Variants in DLGAP2 observed in about 807,000 individuals in gnomAD.
The protein encoded by DLGAP2 is disks large-associated protein 2.
Under a neutral mutation model 100.3 loss-of-function variants are expected in DLGAP2, and 26 were observed. That is an observed-to-expected ratio of 0.26 (90% CI 0.19 to 0.36). DLGAP2 has a LOEUF of 0.36. Ranked by LOEUF, DLGAP2 falls within the 10% of genes least tolerant of loss-of-function variation. The pLI is 1.00. For missense variants in DLGAP2, 1,858 were observed against 1,453.2 expected (o/e 1.28, Z -4.53); for synonymous variants, 886 against 630.1 (o/e 1.41, Z -6.08).
intron 2 of DLGAP2, among the ~76,000 whole-genome samples, chr8:1,064,918 GTGCATGGAAGAGCAT>G (rs1367233917): frequency 3.9e-5 from 6 of 152,162 alleles, no homozygotes; most frequent in African/African-American, 9.7e-5. Flanking sequence ...TGAAGGGTGG[GTGCATGGAAGAGCAT>G]TGCGGTATCA....
chr8:1,527,839 G>C (rs1217623739), intron 4 of DLGAP2, among the ~76,000 whole-genome samples: 3 of 150,960 alleles, frequency 2.0e-5, no homozygotes, highest in African/African-American at 7.3e-5. Flanking sequence ...CCAAGGGAAA[G>C]TCCACCCATT....
At chr8:1,582,311 C>CT (rs201110522) in intron 6 of DLGAP2, among the ~76,000 whole-genome samples, 2 of 92,756 alleles carry the variant, frequency 2.2e-5, no homozygotes, top group African/African-American at 1.2e-4. Flanking sequence ...CAGATAAAAC[C>CT]TTAAAAAAAA....
intron 4 of DLGAP2, among the ~76,000 whole-genome samples, chr8:1,509,937 G>T (rs969589904): frequency 2.0e-5 from 3 of 152,110 alleles, no homozygotes; most frequent in African/African-American, 7.2e-5. Flanking sequence ...TGGAGGACGC[G>T]GCCGCGGAGA....
intron 2 of DLGAP2, among the ~76,000 whole-genome samples, chr8:1,069,552 G>C (rs547405633): frequency 6.6e-6 from 1 of 152,122 alleles, no homozygotes; most frequent in African/African-American, 2.4e-5. Flanking sequence ...CTGCACATCC[G>C]AGAGTCCGAG....
chr8:1,037,656 G>A (rs1043973620), intron 2 of DLGAP2, among the ~76,000 whole-genome samples: 22 of 152,208 alleles, frequency 1.4e-4, no homozygotes, highest in African/African-American at 5.1e-4. Flanking sequence ...AGTGAGCAGT[G>A]GCTCTGCCCT....
intron 2 of DLGAP2, among the ~76,000 whole-genome samples, chr8:943,373 G>C (rs1464980841): frequency 1.3e-5 from 2 of 152,256 alleles, no homozygotes; most frequent in African/African-American, 4.8e-5. Flanking sequence ...GTATTTTTAT[G>C]CACCGGACAC....
intron 2 of DLGAP2, among the ~76,000 whole-genome samples, chr8:1,103,177 G>A (rs892430537): frequency 9.9e-5 from 15 of 152,240 alleles, no homozygotes; most frequent in African/African-American, 3.1e-4. Context: ...CGTGAGTCCC[G>A]GTGGCCTATC....
Position 932,315 on chromosome 8 carries a change from A to G in DLGAP2, c.73+24349A>G, listed in dbSNP as rs1584900798. Among the ~76,000 whole-genome samples, 3 of 152,354 alleles carry G rather than the reference A, an allele frequency of 2.0e-5. No homozygotes were observed. In the East Asian group the frequency reaches 5.8e-4, roughly 29 times the overall value. On this transcript the variant is annotated intron_variant, in intron 2 of 14. Coordinates refer to ENST00000637795, the MANE Select transcript of DLGAP2 (RefSeq NM_001346810.2). ...ACCTTTGGATTTTCACACACTGTGA[A>G]TAATTCATAGGAGGGACTCTCATGA...
intron 2 of DLGAP2, among the ~76,000 whole-genome samples, chr8:995,387 A>C (rs1010594655): frequency 6.6e-6 from 1 of 152,234 alleles, no homozygotes; most frequent in Non-Finnish European, 1.5e-5. Flanking sequence ...CTTTGTAATT[A>C]AACATTTTAT....
chr8:1,187,794 C>T (rs1350134243), intron 2 of DLGAP2, among the ~76,000 whole-genome samples: 1 of 133,988 alleles, frequency 7.5e-6, no homozygotes, highest in Non-Finnish European at 1.5e-5. Flanking sequence ...GTGACGTTTG[C>T]CTCATGGAAT....
intron 1 of DLGAP2, among the ~76,000 whole-genome samples, chr8:861,738 A>G (rs1442814646): frequency 1.3e-5 from 2 of 152,188 alleles, no homozygotes; most frequent in African/African-American, 4.8e-5. Flanking sequence ...GTTCCTACTC[A>G]AGGGACAGCA....
At chr8:1,569,852 T>G (rs571313756) in intron 6 of DLGAP2, among the ~76,000 whole-genome samples, 1 of 150,012 alleles carries the variant, frequency 6.7e-6, no homozygotes, top group East Asian at 2.0e-4. Context: ...GAGGGCAGGA[T>G]AGATCTTCAC....
At chr8:822,142 G>T in intron 1 of DLGAP2, 1 of 399,612 alleles carries the variant, frequency 2.5e-6, no homozygotes. Context: ...CTTCCCTCGC[G>T]GCTGCTAACC....
intron 8 of DLGAP2, among the ~76,000 whole-genome samples, chr8:1,641,842 A>C (rs1294077854): frequency 1.3e-5 from 2 of 151,810 alleles, no homozygotes; most frequent in Non-Finnish European, 2.9e-5. Context: ...GTGGAGATGG[A>C]AGTACTGTTG....
intron 4 of DLGAP2, among the ~76,000 whole-genome samples, chr8:1,529,624 C>A (rs985868477): frequency 6.6e-6 from 1 of 152,248 alleles, no homozygotes; most frequent in Non-Finnish European, 1.5e-5. Context: ...AAATTCCAGA[C>A]AACTGCTGAT....
intron 3 of DLGAP2, among the ~76,000 whole-genome samples, chr8:1,263,417 T>C (rs528917777): frequency 6.6e-6 from 1 of 152,330 alleles, no homozygotes; most frequent in South Asian, 2.1e-4. Flanking sequence ...CAGAATCTTA[T>C]ATTTTAGAAT....
chr8:1,344,122 C>T (rs1282782285), intron 3 of DLGAP2, among the ~76,000 whole-genome samples: 1 of 142,320 alleles, frequency 7.0e-6, no homozygotes, highest in African/African-American at 3.1e-5. Flanking sequence ...TATTCGGGGC[C>T]CTGTCGTGGG....
At chr8:1,293,779 C>T (rs6558438) in intron 3 of DLGAP2, among the ~76,000 whole-genome samples, 18,818 of 152,172 alleles carry the variant, frequency 0.12, 1,506 homozygotes, top group East Asian at 0.24. Flanking sequence ...CCCAGAGTCT[C>T]CTTCTTCACT....
chr8:1,521,816 C>T (rs1269060022), intron 4 of DLGAP2, among the ~76,000 whole-genome samples: 2 of 143,250 alleles, frequency 1.4e-5, no homozygotes, highest in African/African-American at 5.2e-5. Context: ...ATCTGGTTTG[C>T]ACACTTGTTT....
Sources: gnomAD v4.1 joint callset for allele counts (sites outside exome capture counted in the v4.1 genomes callset) on GRCh38, gnomAD v4.1.1 for gene constraint, MANE v1.5 for transcripts, NCBI Gene and HGNC (gene_info 2026-07-23, HGNC 2026-07-21) for gene names.